Variants in UBE2K observed in about 807,000 individuals in gnomAD.
UBE2K encodes ubiquitin conjugating enzyme E2 K, also known as ubiquitin-conjugating enzyme E2 K.
A neutral mutation model predicts 30.0 loss-of-function variants in UBE2K; 6 were observed. That is an observed-to-expected ratio of 0.20 (90% CI 0.11 to 0.39). UBE2K has a LOEUF of 0.39. Ranked by LOEUF, UBE2K falls within the 10% of genes least tolerant of loss-of-function variation. UBE2K has a pLI of 1.00. For synonymous variants in UBE2K, 86 were observed against 83.7 expected (o/e 1.03, Z -0.15); for missense variants, 61 against 241.6 (o/e 0.25, Z 4.96).
At chr4:39,733,402 G>A (rs1233652383) in intron 1 of UBE2K, among the ~76,000 whole-genome samples, 2 of 140,356 alleles carry the variant, frequency 1.4e-5, no homozygotes, top group Non-Finnish European at 3.0e-5. Flanking sequence ...GTGCAATCTC[G>A]GCTCACTGCA....
At chr4:39,772,701 T>A (rs995821128) in intron 4 of UBE2K, among the ~76,000 whole-genome samples, 40 of 152,056 alleles carry the variant, frequency 2.6e-4, no homozygotes, top group African/African-American at 8.9e-4. Flanking sequence ...CTTTTTTTTT[T>A]TTTTGAGATG....
chr4:39,765,649 G>A (rs1712270254), intron 4 of UBE2K, among the ~76,000 whole-genome samples: 1 of 151,068 alleles, frequency 6.6e-6, no homozygotes, highest in Admixed American at 6.6e-5. Flanking sequence ...GTGAAATCCT[G>A]TCTTTACCAA....
chr4:39,770,180 C>G (rs115195626), intron 4 of UBE2K: 100,169 of 1,608,230 alleles, frequency 0.062, 3,593 homozygotes, highest in Middle Eastern at 0.077. Flanking sequence ...TAATGGCAGG[C>G]TTGTGGGCGA....
chr4:39,718,115 T>A (rs1370251035), intron 1 of UBE2K, among the ~76,000 whole-genome samples: 2 of 152,176 alleles, frequency 1.3e-5, no homozygotes, highest in Non-Finnish European at 2.9e-5. Flanking sequence ...TTTATTCTCT[T>A]ATCTGGCCCC....
chr4:39,769,188 TAAAAC>T (rs1292482490), intron 4 of UBE2K, among the ~76,000 whole-genome samples: 1 of 150,764 alleles, frequency 6.6e-6, no homozygotes, highest in African/African-American at 2.4e-5. Flanking sequence ...GAGGACCTGT[TAAAAC>T]AACCCTGGAG....
chr4:39,724,181 T>A (rs1400454002), intron 1 of UBE2K, among the ~76,000 whole-genome samples: 1 of 149,920 alleles, frequency 6.7e-6, no homozygotes, highest in East Asian at 2.0e-4. Flanking sequence ...AATCATGGCT[T>A]ACTACAACCT....
intron 3 of UBE2K, among the ~76,000 whole-genome samples, chr4:39,749,693 A>G (rs944722929): frequency 3.9e-5 from 6 of 151,964 alleles, no homozygotes; most frequent in African/African-American, 1.5e-4. Context: ...AAAAAAAGAA[A>G]TTAAGTTGTG....
intron 1 of UBE2K, among the ~76,000 whole-genome samples, chr4:39,734,105 ATTT>A (rs11417002): frequency 7.3e-6 from 1 of 136,266 alleles, no homozygotes; most frequent in Non-Finnish European, 1.6e-5. Flanking sequence ...GCCCTCTAGA[ATTT>A]TTTTTTTTTT....
intron 1 of UBE2K, among the ~76,000 whole-genome samples, chr4:39,728,563 T>G (rs1719880196): frequency 6.6e-6 from 1 of 152,102 alleles, no homozygotes; most frequent in Non-Finnish European, 1.5e-5. Context: ...TCCAAATATC[T>G]TTTTCTTCCT....
intron 3 of UBE2K, among the ~76,000 whole-genome samples, chr4:39,750,790 G>C (rs993790767): frequency 2.6e-5 from 4 of 151,448 alleles, no homozygotes; most frequent in African/African-American, 9.7e-5. Flanking sequence ...GTGTTGCCCA[G>C]GCTGGAGTAC....
intron 1 of UBE2K, among the ~76,000 whole-genome samples, chr4:39,703,704 G>A (rs908157228): frequency 1.3e-4 from 19 of 151,556 alleles, no homozygotes; most frequent in Admixed American, 4.6e-4. Flanking sequence ...AAAATTAGCC[G>A]GGCATGGTGG....
chr4:39,747,705 C>G (rs530010356), intron 3 of UBE2K, among the ~76,000 whole-genome samples: 1 of 152,100 alleles, frequency 6.6e-6, no homozygotes, highest in Non-Finnish European at 1.5e-5. Flanking sequence ...CAAGCTCTGC[C>G]TCCTGGGTTC....
chr4:39,774,788 C>T (rs1713188240), intron 4 of UBE2K, 46 bp from the exon 5 acceptor site: 6 of 1,248,960 alleles, frequency 4.8e-6, no homozygotes, highest in Non-Finnish European at 6.5e-6. Flanking sequence ...TTGCTTTTGC[C>T]TGCAGAGCCC....
chr4:39,745,824 AT>A lies in UBE2K; in HGVS notation c.216+19del. 6.4e-7 allele frequency: 1 copy of A among 1,564,868 alleles called. No individual in the cohort carries two copies. The highest frequency in any genetic ancestry group is 8.7e-7 in the Non-Finnish European group (1 of 1,150,600). On this transcript the variant is annotated intron_variant, in intron 3 of 6. Coordinates refer to ENST00000261427, the MANE Select transcript of UBE2K (RefSeq NM_005339.5). Reference sequence around the variant, plus strand: ...AATCCCCCTAAGGTATTGTAAGCCTATTTTTGTGCATGAAGTTACAAAATAT... The same window carrying A: ...AATCCCCCTAAGGTATTGTAAGCCTATTTTGTGCATGAAGTTACAAAATAT...
intron 4 of UBE2K, among the ~76,000 whole-genome samples, chr4:39,766,341 A>G (rs1444338876): frequency 6.6e-6 from 1 of 152,084 alleles, no homozygotes; most frequent in African/African-American, 2.4e-5. Flanking sequence ...ATATGAAGTG[A>G]TAGGTCATTG....
intron 1 of UBE2K, among the ~76,000 whole-genome samples, chr4:39,725,263 C>T (rs1313563361): frequency 6.6e-6 from 1 of 151,184 alleles, no homozygotes; most frequent in Non-Finnish European, 1.5e-5. Context: ...TGCACCTGTA[C>T]TCACAGCTAC....
intron 1 of UBE2K, among the ~76,000 whole-genome samples, chr4:39,708,327 C>T (rs2054718): frequency 0.13 from 19,824 of 152,112 alleles, 1,513 homozygotes; most frequent in East Asian, 0.22. Context: ...ACAGCTCTTA[C>T]ATACTCAAAC....
At chr4:39,736,089 A>G (rs1720363465) in intron 1 of UBE2K, among the ~76,000 whole-genome samples, 1 of 152,072 alleles carries the variant, frequency 6.6e-6, no homozygotes. Flanking sequence ...CAAGTTTAAG[A>G]AAGTCAGTCT....
At chr4:39,771,701 A>C (rs570521783) in intron 4 of UBE2K, among the ~76,000 whole-genome samples, 5 of 152,084 alleles carry the variant, frequency 3.3e-5, no homozygotes, top group African/African-American at 9.7e-5. Flanking sequence ...CTAGGACTCA[A>C]ACCCTGGAGT....
Sources: gnomAD v4.1 joint callset for allele counts (sites outside exome capture counted in the v4.1 genomes callset) on GRCh38, gnomAD v4.1.1 for gene constraint, MANE v1.5 for transcripts, NCBI Gene and HGNC (gene_info 2026-07-23, HGNC 2026-07-21) for gene names.